Variants in ENTREP2 observed in about 807,000 individuals in gnomAD.
The protein encoded by ENTREP2 is endosomal transmembrane epsin interactor 2.
chr15:29,118,520 C>G, the ENTREP2 span, among the ~76,000 whole-genome samples: 1 of 152,074 alleles, frequency 6.6e-6, no homozygotes, highest in African/African-American at 2.4e-5. Flanking sequence ...GGGCAACGCC[C>G]CGCTGCAACT....
the ENTREP2 span, among the ~76,000 whole-genome samples, chr15:29,404,596 A>G: frequency 6.6e-6 from 1 of 151,646 alleles, no homozygotes; most frequent in Admixed American, 6.6e-5. Context: ...CTCGTTAGTA[A>G]GGGCTCCCTC....
At chr15:29,361,223 G>T in the ENTREP2 span, among the ~76,000 whole-genome samples, 1 of 152,146 alleles carries the variant, frequency 6.6e-6, no homozygotes, top group Non-Finnish European at 1.5e-5. Context: ...GAAGCAGCAT[G>T]ACACAATGAA....
At chr15:29,532,218 A>G in the ENTREP2 span, among the ~76,000 whole-genome samples, 2 of 152,206 alleles carry the variant, frequency 1.3e-5, no homozygotes, top group African/African-American at 4.8e-5. Context: ...GACCTAGAGA[A>G]AATATTTTAT....
chr15:29,123,112 C>G, the ENTREP2 span: 1 of 511,524 alleles, frequency 2.0e-6, no homozygotes, highest in Non-Finnish European at 3.4e-6. Flanking sequence ...TTCCGAATTA[C>G]TGGGCTAGGC....
At chr15:29,352,844 C>T in the ENTREP2 span, among the ~76,000 whole-genome samples, 19 of 152,332 alleles carry the variant, frequency 1.2e-4, no homozygotes, top group Middle Eastern at 3.4e-3. Flanking sequence ...TCTCCTCTGC[C>T]AACCACTTGG....
At chr15:29,575,362 C>T in the ENTREP2 span, among the ~76,000 whole-genome samples, 2 of 152,136 alleles carry the variant, frequency 1.3e-5, no homozygotes, top group African/African-American at 2.4e-5. Context: ...TTCCTCAACA[C>T]GATAAAGGAC....
the ENTREP2 span, among the ~76,000 whole-genome samples, chr15:29,180,364 G>T: frequency 6.6e-6 from 1 of 152,202 alleles, no homozygotes; most frequent in East Asian, 1.9e-4. Flanking sequence ...AATTAAATTT[G>T]CTATAAATAA....
the ENTREP2 span, among the ~76,000 whole-genome samples, chr15:29,579,773 C>T: frequency 1.2e-4 from 17 of 139,942 alleles, no homozygotes; most frequent in Non-Finnish European, 1.0e-4. Flanking sequence ...TGCAGTGGCG[C>T]GATCTCGGCT....
At chr15:29,269,640 G>C in the ENTREP2 span, 1 of 1,575,470 alleles carries the variant, frequency 6.3e-7, no homozygotes. Flanking sequence ...TTCCGCTATG[G>C]CTCCAGTCTC....
At chr15:29,192,023 C>A in the ENTREP2 span, among the ~76,000 whole-genome samples, 2 of 152,164 alleles carry the variant, frequency 1.3e-5, no homozygotes, top group African/African-American at 2.4e-5. Flanking sequence ...CTCTACTCTG[C>A]CAATTACTGT....
chr15:29,554,326 AAAGG>A, the ENTREP2 span, among the ~76,000 whole-genome samples: 2 of 151,418 alleles, frequency 1.3e-5, no homozygotes, highest in African/African-American at 4.9e-5. Flanking sequence ...AAAAAAAAAA[AAAGG>A]AAGGAAGGAA....
chr15:29,185,309 C>A, the ENTREP2 span, among the ~76,000 whole-genome samples: 1 of 152,118 alleles, frequency 6.6e-6, no homozygotes, highest in African/African-American at 2.4e-5. Flanking sequence ...CCAATGCCCT[C>A]CATGCATCTC....
chr15:29,220,161 G>A, the ENTREP2 span, among the ~76,000 whole-genome samples: 1 of 152,184 alleles, frequency 6.6e-6, no homozygotes, highest in African/African-American at 2.4e-5. Flanking sequence ...GTGGGCTGGG[G>A]AGACCCGCTG....
At chr15:29,177,504 T>C in the ENTREP2 span, among the ~76,000 whole-genome samples, 1 of 152,192 alleles carries the variant, frequency 6.6e-6, no homozygotes, top group Non-Finnish European at 1.5e-5. Context: ...CTTCCTGCCC[T>C]CCTTGCTTCC....
At chr15:29,137,241 G>A in the ENTREP2 span, 1 of 1,433,524 alleles carries the variant, frequency 7.0e-7, no homozygotes, top group Non-Finnish European at 9.1e-7. Flanking sequence ...ATCTTGTGTG[G>A]CTTGTGTCTC....
the ENTREP2 span, among the ~76,000 whole-genome samples, chr15:29,449,075 C>T: frequency 7.2e-5 from 11 of 152,118 alleles, no homozygotes; most frequent in African/African-American, 2.7e-4. Flanking sequence ...GAGAATGTTG[C>T]GATCACTGAA....
At chr15:29,517,064 A>C in the ENTREP2 span, among the ~76,000 whole-genome samples, 1 of 151,912 alleles carries the variant, frequency 6.6e-6, no homozygotes, top group Non-Finnish European at 1.5e-5. Flanking sequence ...TAAAGGCAGC[A>C]TGGCAGCAGC....
chr15:29,557,521 C>T, the ENTREP2 span, among the ~76,000 whole-genome samples: 1 of 152,144 alleles, frequency 6.6e-6, no homozygotes, highest in African/African-American at 2.4e-5. Context: ...TCTGAGAGCC[C>T]ATTCAAGAGA....
At chr15:29,358,691 T>C in the ENTREP2 span, among the ~76,000 whole-genome samples, 2 of 152,032 alleles carry the variant, frequency 1.3e-5, no homozygotes, top group Non-Finnish European at 1.5e-5. Context: ...GCTAGATTCC[T>C]ACAGTCTAAA....
Sources: gnomAD v4.1 joint callset for allele counts (sites outside exome capture counted in the v4.1 genomes callset) on GRCh38, gnomAD v4.1.1 for gene constraint, MANE v1.5 for transcripts, NCBI Gene and HGNC (gene_info 2026-07-23, HGNC 2026-07-21) for gene names.